Variants in SLC4A4 observed in about 807,000 individuals in gnomAD.
The protein encoded by SLC4A4 is solute carrier family 4 member 4.
SLC4A4 carries 27 observed loss-of-function variants against 111.5 expected under a neutral mutation model. That is an observed-to-expected ratio of 0.24 (90% CI 0.18 to 0.33). SLC4A4 has a LOEUF of 0.33. Ranked by LOEUF, SLC4A4 falls within the 10% of genes least tolerant of loss-of-function variation. The pLI, the probability that SLC4A4 is intolerant of heterozygous loss-of-function variation, is 1.00. For synonymous variants in SLC4A4, 443 were observed against 463.4 expected, an observed-to-expected ratio of 0.96 and a Z score of 0.57; for missense variants, 909 against 1,315.5, an observed-to-expected ratio of 0.69 and a Z score of 4.78.
intron 7 of SLC4A4, 107 bp downstream of exon 7, chr4:71,397,760 G>T (rs572201083): frequency 5.2e-6 from 5 of 964,070 alleles, no homozygotes; most frequent in African/African-American, 3.2e-5. Flanking sequence ...GGACCTTTAC[G>T]TGCAGACAAC....
At chr4:71,300,607 T>C (rs1399486671) in intron 3 of SLC4A4, 1 of 294,596 alleles carries the variant, frequency 3.4e-6, no homozygotes, top group Non-Finnish European at 6.9e-6. Flanking sequence ...CTGCCGTCTC[T>C]TCATGAGCAG....
rs770201058 is a variant in SLC4A4, at chr4:71,237,807, C to T, written c.73+1158C>T. The stretch of plus-strand genomic sequence containing the variant: ...CCTCCACCCGCCCCCCTCAACTTCC[C>T]GCATTTATGCTCTTGAGACTGACTA... On this transcript the variant is annotated intron_variant, in intron 2 of 25. Transcript: ENST00000264485. 8.5e-5 allele frequency among the ~76,000 whole-genome samples: 13 copies of T among 152,224 alleles called. No individual in the cohort carries two copies. In the South Asian group the frequency reaches 1.9e-3, roughly 22 times the overall value.
At chr4:71,159,535 T>C (rs1392668977) in intron 2 of SLC4A4, among the ~76,000 whole-genome samples, 3 of 152,036 alleles carry the variant, frequency 2.0e-5, no homozygotes, top group Non-Finnish European at 4.4e-5. Context: ...GGCTAATTTT[T>C]GTATTTTTAG....
chr4:71,216,854 C>A (rs1718460348), intron 1 of SLC4A4, among the ~76,000 whole-genome samples: 1 of 152,174 alleles, frequency 6.6e-6, no homozygotes, highest in Non-Finnish European at 1.5e-5. Flanking sequence ...CATGACAATA[C>A]TAGCTACGTG....
intron 3 of SLC4A4, among the ~76,000 whole-genome samples, chr4:71,265,499 G>A (rs1482382407): frequency 1.3e-5 from 2 of 152,136 alleles, no homozygotes; most frequent in African/African-American, 2.4e-5. Context: ...TTCTGAGAAA[G>A]AAGCAGAGGA....
At position 71,443,191 on chromosome 4, in the gene SLC4A4, C is replaced by CCCAGGCTG. The variant is rs373539491; in HGVS notation, c.965+2419_965+2426dup. On this transcript the variant is annotated intron_variant, in intron 8 of 25. Transcript: ENST00000264485. ...GGGGTGATAGAGTCTTGCTGTGTCA[C>CCCAGGCTG]CCAGGCTGGAGTGCAGTGGCGTGAT... Among the ~76,000 whole-genome samples the CCCAGGCTG allele has an allele frequency of 9.5e-3, 1,379 of 145,104 alleles. 30 individuals are homozygous for CCCAGGCTG. The highest frequency in any genetic ancestry group is 0.032 in the African/African-American group (1,245 of 38,482).
intron 1 of SLC4A4, among the ~76,000 whole-genome samples, chr4:71,092,271 G>T (rs78712659): frequency 0.092 from 13,922 of 152,136 alleles, 780 homozygotes; most frequent in African/African-American, 0.16. Flanking sequence ...ACTTAGAGAA[G>T]TAAAATTCAT....
At chr4:71,129,351 A>C (rs1407125526) in intron 2 of SLC4A4, among the ~76,000 whole-genome samples, 1 of 152,206 alleles carries the variant, frequency 6.6e-6, no homozygotes, top group African/African-American at 2.4e-5. Flanking sequence ...GTGACCAACA[A>C]GTATATGAAA....
intron 16 of SLC4A4, among the ~76,000 whole-genome samples, chr4:71,518,573 G>T (rs966275800): frequency 5.3e-5 from 8 of 152,154 alleles, no homozygotes; most frequent in African/African-American, 1.9e-4. Context: ...TGCTGGACAG[G>T]CCTGGAGCCT....
At chr4:71,106,253 C>A (rs1403553614) in intron 2 of SLC4A4, among the ~76,000 whole-genome samples, 8 of 147,812 alleles carry the variant, frequency 5.4e-5, no homozygotes, top group Non-Finnish European at 1.1e-4. Flanking sequence ...GAAAGGCAAT[C>A]ATTAAAAAGT....
At chr4:71,469,812 G>C (rs1314831977) in intron 13 of SLC4A4, among the ~76,000 whole-genome samples, 2 of 151,838 alleles carry the variant, frequency 1.3e-5, no homozygotes, top group Admixed American at 6.6e-5. Flanking sequence ...TTGAACTACT[G>C]TAGTATTGCT....
intron 13 of SLC4A4, among the ~76,000 whole-genome samples, chr4:71,468,847 T>C (rs1404573490): frequency 6.6e-6 from 1 of 151,998 alleles, no homozygotes. Flanking sequence ...GAAAAAGTCC[T>C]TCAGTTAAGA....
intron 2 of SLC4A4, among the ~76,000 whole-genome samples, chr4:71,242,896 T>C (rs1180678033): frequency 6.6e-6 from 1 of 152,152 alleles, no homozygotes; most frequent in Non-Finnish European, 1.5e-5. Context: ...GCTTCTTATA[T>C]TGGAAAACTA....
chr4:71,480,917 A>G (rs890373873), intron 14 of SLC4A4, among the ~76,000 whole-genome samples: 7 of 151,858 alleles, frequency 4.6e-5, no homozygotes, highest in East Asian at 3.9e-4. Flanking sequence ...TAACCATCAC[A>G]TAAATCTTGA....
chr4:71,364,549 T>C (rs1260725846), intron 6 of SLC4A4, among the ~76,000 whole-genome samples: 2 of 152,292 alleles, frequency 1.3e-5, no homozygotes, highest in South Asian at 2.1e-4. Context: ...CCTTTCCTCA[T>C]AGATGGTGCG....
At chr4:71,304,059 G>A (rs1725488490) in intron 3 of SLC4A4, among the ~76,000 whole-genome samples, 1 of 152,194 alleles carries the variant, frequency 6.6e-6, no homozygotes, top group Non-Finnish European at 1.5e-5. Flanking sequence ...CTAGTATGTG[G>A]CAGAGGCTGA....
chr4:71,518,037 G>C (rs1222956511), intron 16 of SLC4A4, among the ~76,000 whole-genome samples: 2 of 152,200 alleles, frequency 1.3e-5, no homozygotes, highest in Admixed American at 6.5e-5. Flanking sequence ...TCAGGATGTA[G>C]TGGGGTGGGT....
intron 24 of SLC4A4, 76 bp from the exon 25 acceptor site, chr4:71,566,928 C>A (rs1737525103): frequency 8.5e-7 from 1 of 1,180,310 alleles, no homozygotes; most frequent in Non-Finnish European, 1.2e-6. Context: ...GAAGATGCAT[C>A]AATTTTGTGA....
intron 1 of SLC4A4, among the ~76,000 whole-genome samples, chr4:71,214,054 T>A (rs1452755645): frequency 6.6e-6 from 1 of 152,182 alleles, no homozygotes; most frequent in East Asian, 1.9e-4. Context: ...GTTGGCCACT[T>A]AGCATCCCAA....
Sources: allele counts gnomAD v4.1 joint callset (sites outside exome capture counted in the v4.1 genomes callset), GRCh38; gene constraint gnomAD v4.1.1; transcripts MANE v1.5; gene names NCBI Gene and HGNC (gene_info 2026-07-23, HGNC 2026-07-21).